ZFP90: variants seen among roughly 807,000 people sequenced by gnomAD.
ZFP90 encodes ZFP90 zinc finger protein, also known as zinc finger protein 90 homolog.
A neutral mutation model predicts 60.8 loss-of-function variants in ZFP90; 38 were observed. That is an observed-to-expected ratio of 0.62 (90% CI 0.48 to 0.82). The LOEUF (loss-of-function observed/expected upper bound fraction) is 0.82, where lower values mean the gene tolerates loss of function less well. Among genes scored for constraint, ZFP90 ranks in the 40% least tolerant of loss-of-function variants. The pLI is 0.00. For missense variants in ZFP90, 711 were observed against 759.1 expected (o/e 0.94, Z 0.74); for synonymous variants, 287 against 264.8 (o/e 1.08, Z -0.82).
At chr16:68,551,738 T>A (rs547365002) in intron 2 of ZFP90, among the ~76,000 whole-genome samples, 1 of 149,006 alleles carries the variant, frequency 6.7e-6, no homozygotes, top group South Asian at 2.1e-4. Flanking sequence ...TTAATAACTT[T>A]GTTCGTTGCT....
chr16:68,534,233 C>CTT (rs869142804), intron 2 of ZFP90, among the ~76,000 whole-genome samples: 8 of 141,494 alleles, frequency 5.7e-5, no homozygotes, highest in South Asian at 4.3e-4. Context: ...TTCTTTCTTT[C>CTT]TTTTTTTTTT....
Position 68,567,096 on chromosome 16 carries a change from A to G in ZFP90, c.*2398A>G. On this transcript the variant is annotated 3_prime_UTR_variant, in exon 5 of 5. Transcript: ENST00000563169. ...ACGTGAAATGCATCCTTGTAACATC[A>G]TTGTATTCTTTCAATAAATAGCCTT... The G allele has an allele frequency of 2.0e-6, 2 of 985,558 alleles. No homozygotes were observed. The highest frequency in any genetic ancestry group is 2.4e-6 in the Non-Finnish European group (2 of 829,928). 61.1% of individuals were successfully genotyped at this position (985,558 alleles called of 1,614,324 possible).
rs191959782 is a variant in ZFP90, at chr16:68,546,297, G to A, written c.33+6472G>A. 2.8e-3 allele frequency among the ~76,000 whole-genome samples: 429 copies of A among 152,298 alleles called. 2 individuals carry two copies. Among genetic ancestry groups the A allele is most frequent in the South Asian group, 0.013 (63 of 4,826 alleles). ...AAATACACATAAGACAATCTTAAGT[G>A]TACAGTTCAGTGGTATTAAATACAT... On this transcript the variant is annotated intron_variant, in intron 2 of 4. Transcript: ENST00000563169.
At chr16:68,540,585 T>C (rs562686988) in intron 2 of ZFP90, among the ~76,000 whole-genome samples, 75 of 152,124 alleles carry the variant, frequency 4.9e-4, no homozygotes, top group Non-Finnish European at 7.6e-4. Flanking sequence ...CCAGATGGTA[T>C]CTGTATCTTT....
chr16:68,575,686 G>C (rs1169014920), intron 2 of ZFP90: 1 of 396,328 alleles, frequency 2.5e-6, no homozygotes, highest in Non-Finnish European at 4.4e-6. Flanking sequence ...GGGAAGACAG[G>C]TTCTCAATCC....
chr16:68,558,226 C>T, intron 3 of ZFP90, 102 bp downstream of exon 3: 1 of 1,531,758 alleles, frequency 6.5e-7, no homozygotes, highest in South Asian at 1.2e-5. Context: ...GACCAGGGTG[C>T]TCAGGGGTCA....
At chr16:68,560,640 TC>T (rs1445560356) in intron 4 of ZFP90, among the ~76,000 whole-genome samples, 1 of 151,752 alleles carries the variant, frequency 6.6e-6, no homozygotes, top group Admixed American at 6.6e-5. Flanking sequence ...CACTGTAACC[TC>T]CACCTCCTGG....
chr16:68,546,224 A>T (rs1477484613), intron 2 of ZFP90, among the ~76,000 whole-genome samples: 1 of 152,178 alleles, frequency 6.6e-6, no homozygotes, highest in East Asian at 1.9e-4. Flanking sequence ...AATATTAGAG[A>T]CTTTTTACCT....
chr16:68,567,269 T>A (rs1226926703), downstream of ZFP90: 4 of 610,708 alleles, frequency 6.5e-6, no homozygotes, highest in East Asian at 2.8e-4. Context: ...GCTTACTACT[T>A]TAAAGACATT....
In ZFP90 at chr16:68,539,774, G is replaced by T; in HGVS notation, c.-19G>T. The T allele has an allele frequency of 6.3e-7, 1 of 1,585,130 alleles. No homozygotes were observed. Among genetic ancestry groups the T allele is most frequent in the South Asian group, 1.1e-5 (1 of 87,482 alleles). ...TCTCCCCAGCTCCTGCCCCGGAGCC[G>T]GGCCCTGGCGAGGCAGGAATGGCCC... On this transcript the variant is annotated 5_prime_UTR_variant, in exon 2 of 5. Coordinates refer to ENST00000563169, the MANE Select transcript of ZFP90 (RefSeq NM_001305203.2).
Position 68,558,462 on chromosome 16 carries a change from C to A in ZFP90, c.161-11C>A, listed in dbSNP as rs766690380. 1 of 1,612,560 alleles carries A rather than the reference C, an allele frequency of 6.2e-7. No homozygotes were observed. Among genetic ancestry groups the A allele is most frequent in the Non-Finnish European group, 8.5e-7 (1 of 1,178,834 alleles). On this transcript the variant is annotated splice_polypyrimidine_tract_variant and intron_variant, in intron 3 of 4. Coordinates refer to ENST00000563169, the MANE Select transcript of ZFP90 (RefSeq NM_001305203.2). ...CAAACAACCAAATCTTGTGTATTTA[C>A]CCATGAGCAGGATATCAAGTTTCCA...
At chr16:68,574,263 C>G (rs866448085) in intron 2 of ZFP90, 92 of 95,014 alleles carry the variant, frequency 9.7e-4, no homozygotes, top group African/African-American at 3.0e-3. Flanking sequence ...AAAGGTTTTT[C>G]TTTAAGTTTC....
chr16:68,559,728 C>T (rs569596112), intron 4 of ZFP90, among the ~76,000 whole-genome samples: 22 of 151,876 alleles, frequency 1.4e-4, no homozygotes, highest in South Asian at 6.3e-4. Context: ...CCACCACACC[C>T]GGCTAATTTT....
chr16:68,549,265 G>A (rs921743867), intron 2 of ZFP90, among the ~76,000 whole-genome samples: 6 of 152,310 alleles, frequency 3.9e-5, no homozygotes, highest in African/African-American at 1.2e-4. Context: ...AACCACCTGA[G>A]GAGCTTTTAA....
upstream of ZFP90, among the ~76,000 whole-genome samples, chr16:68,535,208 A>T (rs886960071): frequency 5.3e-5 from 8 of 152,160 alleles, no homozygotes; most frequent in Admixed American, 6.5e-5. Context: ...ACCAATTTAA[A>T]CTACATTCTC....
chr16:68,539,704 C>A, intron 1 of ZFP90, 54 bp from the exon 2 acceptor site: 2 of 868,738 alleles, frequency 2.3e-6, no homozygotes, highest in Non-Finnish European at 2.7e-6. Flanking sequence ...CGGGGCGGGG[C>A]GGGGTGGGGT....
chr16:68,571,773 A>T (rs1176962090), downstream of ZFP90, among the ~76,000 whole-genome samples: 3 of 150,652 alleles, frequency 2.0e-5, no homozygotes, highest in Non-Finnish European at 4.4e-5. Flanking sequence ...ACAAAAATAA[A>T]TAATTTTTAG....
rs2091536123 is a variant in ZFP90 at position 68,566,850 on chromosome 16, C to T, written c.*2152C>T. 3 of 985,588 alleles carry T rather than the reference C, an allele frequency of 3.0e-6. No homozygotes were observed. Among genetic ancestry groups the T allele is most frequent in the Non-Finnish European group, 3.6e-6 (3 of 829,958 alleles). 61.1% of individuals were successfully genotyped at this position (985,588 alleles called of 1,614,324 possible). ...TGTAACCAACTGAGTGCTGCCCCCACTGTTACGGAAGTTTATAAAACCTTA... is the reference window on the plus strand; with the variant it reads ...TGTAACCAACTGAGTGCTGCCCCCATTGTTACGGAAGTTTATAAAACCTTA... On this transcript the variant is annotated 3_prime_UTR_variant, in exon 5 of 5. Coordinates refer to ENST00000563169, the MANE Select transcript of ZFP90 (RefSeq NM_001305203.2).
chr16:68,564,267 G>A lies in ZFP90; in HGVS notation c.1480G>A (p.Glu494Lys). 6.2e-7 allele frequency: 1 copy of A among 1,614,092 alleles called. No individual in the cohort carries two copies. Residue 494 changes from glutamate (E) to lysine (K), a missense_variant, in exon 5 of 5, where the codon GAG (glutamate) becomes AAG (lysine). Glu to Lys is a moderately conservative substitution (Grantham distance 56, BLOSUM62 1). Around this residue, in one of 5 missense-constraint regions of ZFP90, gnomAD observed 295 missense variants for 274.0 expected, o/e 1.08. Coordinates refer to ENST00000563169, the MANE Select transcript of ZFP90 (RefSeq NM_001305203.2). ...FSQQAISHPG[E>K]KPYQCNVCGK... ...TCAGCAAGCTATTTCTCATCCTGGA[G>A]AGAAACCCTATCAATGTAATGTATG...
Sources: allele counts gnomAD v4.1 joint callset (sites outside exome capture counted in the v4.1 genomes callset), GRCh38; gene constraint gnomAD v4.1.1; regional missense constraint gnomAD v4.1.1; transcripts MANE v1.5; gene names NCBI Gene and HGNC (gene_info 2026-07-23, HGNC 2026-07-21).